DENND5B: variants seen among roughly 807,000 people sequenced by gnomAD.
DENND5B encodes DENN domain containing 5B.
In DENND5B, 34 loss-of-function variants were observed where a neutral mutation model predicts 140.6. The observed-to-expected ratio is 0.24, with a 90% CI of 0.18 to 0.32. The LOEUF (loss-of-function observed/expected upper bound fraction) is 0.32. Ranked by LOEUF, DENND5B falls within the 10% of genes least tolerant of loss-of-function variation. The pLI, the probability that DENND5B is intolerant of heterozygous loss-of-function variation, is 1.00. For synonymous variants in DENND5B, 551 were observed against 562.1 expected, an observed-to-expected ratio of 0.98 and a Z score of 0.28; for missense variants, 1,142 against 1,560.2, an observed-to-expected ratio of 0.73 and a Z score of 4.52.
intron 3 of DENND5B, among the ~76,000 whole-genome samples, chr12:31,461,952 A>T (rs2138270228): frequency 6.6e-6 from 1 of 152,244 alleles, no homozygotes; most frequent in Middle Eastern, 3.4e-3. Flanking sequence ...TTCCATTTAA[A>T]TTTTTTGTGT....
chr12:31,523,824 A>G (rs1947990553), intron 1 of DENND5B, among the ~76,000 whole-genome samples: 1 of 152,208 alleles, frequency 6.6e-6, no homozygotes, highest in South Asian at 2.1e-4. Context: ...GTTTCCCAAG[A>G]ATAGATCTTG....
chr12:31,469,677 C>T (rs1298905452), intron 3 of DENND5B, among the ~76,000 whole-genome samples: 2 of 152,086 alleles, frequency 1.3e-5, no homozygotes, highest in African/African-American at 4.8e-5. Flanking sequence ...TTGTTGGCCC[C>T]AATGTTGGAG....
At chr12:31,491,536 A>C (rs931864369) in intron 2 of DENND5B, among the ~76,000 whole-genome samples, 1 of 152,152 alleles carries the variant, frequency 6.6e-6, no homozygotes, top group African/African-American at 2.4e-5. Context: ...GAAAGAAAAG[A>C]AAGCAAAGAA....
chr12:31,590,641 G>A, intron 1 of DENND5B, 65 bp downstream of exon 1: 2 of 1,381,046 alleles, frequency 1.4e-6, no homozygotes, highest in Non-Finnish European at 1.9e-6. Context: ...CCCGCCTCCC[G>A]CGCGTCCCCA....
chr12:31,484,884 C>A (rs943703803), intron 2 of DENND5B, among the ~76,000 whole-genome samples: 1 of 152,120 alleles, frequency 6.6e-6, no homozygotes, highest in Non-Finnish European at 1.5e-5. Flanking sequence ...ACAGCAACAA[C>A]GAACCATTTC....
intron 1 of DENND5B, among the ~76,000 whole-genome samples, chr12:31,579,418 T>C (rs1403074343): frequency 6.6e-6 from 1 of 152,096 alleles, no homozygotes; most frequent in Non-Finnish European, 1.5e-5. Flanking sequence ...TCCCAGCACT[T>C]TGGGTAGCCG....
intron 1 of DENND5B, among the ~76,000 whole-genome samples, chr12:31,557,259 A>G (rs1359899376): frequency 6.6e-6 from 1 of 152,244 alleles, no homozygotes; most frequent in Non-Finnish European, 1.5e-5. Flanking sequence ...ATGTATTAGT[A>G]GTTATCTCTA....
chr12:31,531,101 C>T (rs1948261614), intron 1 of DENND5B, among the ~76,000 whole-genome samples: 1 of 152,162 alleles, frequency 6.6e-6, no homozygotes, highest in South Asian at 2.1e-4. Flanking sequence ...TAATATTAGG[C>T]ATAATGTTGA....
chr12:31,395,574 C>G (rs979822402), intron 17 of DENND5B, among the ~76,000 whole-genome samples: 3 of 152,208 alleles, frequency 2.0e-5, no homozygotes, highest in African/African-American at 7.2e-5. Context: ...GCATGGCCAA[C>G]AAGAGCGAAA....
intron 1 of DENND5B, chr12:31,535,039 A>C (rs1183242409): frequency 4.8e-6 from 1 of 208,302 alleles, no homozygotes; most frequent in Non-Finnish European, 8.3e-6. Context: ...GCACCACTGC[A>C]CCCAAGCCTG....
At position 31,385,709 on chromosome 12, in the gene DENND5B, G is replaced by A. The variant is rs374503215; in HGVS notation, c.*1894C>T. ...TTATTTTTATCTATTTATTTTTTGA[G>A]ATGGAGTCTTGCTCTGTTGCCCAGG... On this transcript the variant is annotated 3_prime_UTR_variant, in exon 21 of 21. Transcript: ENST00000389082. 6.6e-6 allele frequency: 1 copy of A among 152,224 alleles called. No individual in the cohort carries two copies. The highest frequency in any genetic ancestry group is 2.4e-5 in the African/African-American group (1 of 41,538). 9.4% of individuals were successfully genotyped at this position (152,224 alleles called of 1,614,324 possible). A position where few individuals can be genotyped will look rare whatever the true frequency, so the allele number is the denominator to read the frequency against.
At position 31,390,953 on chromosome 12, in the gene DENND5B, T is replaced by C. The variant is rs538089133; in HGVS notation, c.3466+1314A>G. 2.6e-5 allele frequency among the ~76,000 whole-genome samples: 4 copies of C among 151,444 alleles called. No individual in the cohort carries two copies. The East Asian group carries it at 5.9e-4, about 22-fold the overall frequency. On this transcript the variant is annotated intron_variant, in intron 19 of 20. Transcript: ENST00000389082. ...ACCGCTTGAACCCAGGAGGCAGAGG[T>C]TGCAGTGAGCTGAGATGGGGCCACT...
At chr12:31,523,931 TAA>T (rs3034068) in intron 1 of DENND5B, among the ~76,000 whole-genome samples, 3,903 of 152,232 alleles carry the variant, frequency 0.026, 186 homozygotes, top group African/African-American at 0.09. Context: ...TGTTCATCAC[TAA>T]AGTGGTATCA....
At chr12:31,433,622 TATGA>T (rs1265514874) in intron 7 of DENND5B, among the ~76,000 whole-genome samples, 6 of 152,292 alleles carry the variant, frequency 3.9e-5, no homozygotes, top group Non-Finnish European at 5.9e-5. Flanking sequence ...AAGTAAATAT[TATGA>T]ATATTTTTTA....
At chr12:31,524,847 C>G (rs1472313669) in intron 1 of DENND5B, among the ~76,000 whole-genome samples, 1 of 152,192 alleles carries the variant, frequency 6.6e-6, no homozygotes, top group African/African-American at 2.4e-5. Flanking sequence ...GCCCTACTCT[C>G]TTTTACTGAT....
intron 1 of DENND5B, among the ~76,000 whole-genome samples, chr12:31,520,250 T>C (rs1192514633): frequency 6.6e-6 from 1 of 152,230 alleles, no homozygotes; most frequent in Non-Finnish European, 1.5e-5. Context: ...TTCCTGCAGA[T>C]ATTCTGCGTT....
At chr12:31,514,571 T>C (rs1477828322) in intron 1 of DENND5B, among the ~76,000 whole-genome samples, 1 of 152,184 alleles carries the variant, frequency 6.6e-6, no homozygotes, top group Non-Finnish European at 1.5e-5. Context: ...ATCACAACAC[T>C]GTGGGAGGCC....
chr12:31,404,991 C>T (rs1029952311), intron 14 of DENND5B, among the ~76,000 whole-genome samples: 2 of 151,842 alleles, frequency 1.3e-5, no homozygotes, highest in African/African-American at 4.8e-5. Context: ...AACTCCTGAC[C>T]TCAGGTGATC....
chr12:31,470,092 C>A (rs1226575954), intron 3 of DENND5B, among the ~76,000 whole-genome samples: 3 of 148,050 alleles, frequency 2.0e-5, no homozygotes, highest in Non-Finnish European at 3.0e-5. Flanking sequence ...GGACTACAGG[C>A]ATACACTACC....
Sources: allele counts gnomAD v4.1 joint callset (sites outside exome capture counted in the v4.1 genomes callset), GRCh38; gene constraint gnomAD v4.1.1; transcripts MANE v1.5; gene names NCBI Gene and HGNC (gene_info 2026-07-23, HGNC 2026-07-21).